EML4: variants seen among roughly 807,000 people sequenced by gnomAD.
EML4 encodes the protein echinoderm microtubule-associated protein-like 4.
In EML4, 72 loss-of-function variants were observed where a neutral mutation model predicts 129.0. The observed-to-expected ratio is 0.56, with a 90% CI of 0.46 to 0.68. EML4 has a LOEUF of 0.68. Ranked by LOEUF, EML4 falls within the 30% of genes least tolerant of loss-of-function variation. EML4 has a pLI of 0.00. For synonymous variants in EML4, 532 were observed against 405.0 expected (o/e 1.31, Z -3.77); for missense variants, 1,363 against 1,190.6 (o/e 1.14, Z -2.13).
At chr2:42,200,918 TC>T (rs1672193218) in intron 1 of EML4, among the ~76,000 whole-genome samples, 1 of 152,178 alleles carries the variant, frequency 6.6e-6, no homozygotes, top group South Asian at 2.1e-4. Context: ...CCAAGTCTTT[TC>T]CACTTCCCCT....
chr2:42,281,341 C>G (rs1469591158), intron 7 of EML4, among the ~76,000 whole-genome samples: 1 of 148,562 alleles, frequency 6.7e-6, no homozygotes, highest in Non-Finnish European at 1.5e-5. Context: ...TGCAGTGAGC[C>G]AAGATCACGC....
intron 2 of EML4, among the ~76,000 whole-genome samples, chr2:42,246,143 T>G (rs1675387945): frequency 6.6e-6 from 1 of 152,224 alleles, no homozygotes; most frequent in Non-Finnish European, 1.5e-5. Flanking sequence ...AAAATTAATT[T>G]AAGCTCTGAA....
intron 9 of EML4, among the ~76,000 whole-genome samples, chr2:42,285,419 A>G (rs907603780): frequency 1.3e-5 from 2 of 152,112 alleles, no homozygotes; most frequent in African/African-American, 4.8e-5. Flanking sequence ...GAAGGTTTCT[A>G]CTGGATAACT....
At position 42,224,066 on chromosome 2, in the gene EML4, T is replaced by C. The variant is rs185050497; in HGVS notation, c.26-21439T>C. On this transcript the variant is annotated intron_variant, in intron 1 of 22. Transcript: ENST00000318522. Reference sequence around the variant, plus strand: ...TTTTTGTAACAGCTGTTTTGAGATATAATTCACATGCCATATGAATCACCC... The same window carrying C: ...TTTTTGTAACAGCTGTTTTGAGATACAATTCACATGCCATATGAATCACCC... 1.2e-4 allele frequency among the ~76,000 whole-genome samples: 18 copies of C among 152,276 alleles called. No individual in the cohort carries two copies. The East Asian group carries it at 3.3e-3, about 28-fold the overall frequency.
intron 22 of EML4, 37 bp downstream of exon 22, chr2:42,329,053 CTTCT>C: frequency 6.3e-7 from 1 of 1,590,424 alleles, no homozygotes; most frequent in Non-Finnish European, 8.6e-7. Context: ...GTTATAAGGC[CTTCT>C]GTCCAGGGAT....
intron 19 of EML4, among the ~76,000 whole-genome samples, chr2:42,320,825 C>T (rs1669479417): frequency 6.6e-6 from 1 of 152,072 alleles, no homozygotes; most frequent in South Asian, 2.1e-4. Context: ...ACTCGAAGAT[C>T]TTAGCCCAGG....
At chr2:42,190,285 C>T (rs78634710) in intron 1 of EML4, among the ~76,000 whole-genome samples, 4 of 152,090 alleles carry the variant, frequency 2.6e-5, no homozygotes, top group African/African-American at 4.8e-5. Context: ...TGAGTCCCCC[C>T]ACAATGTCAG....
chr2:42,288,546 A>T, intron 11 of EML4: 1 of 269,996 alleles, frequency 3.7e-6, no homozygotes. Flanking sequence ...AATATTTCAG[A>T]CATTACTATA....
intron 3 of EML4, among the ~76,000 whole-genome samples, chr2:42,259,569 CTTG>C (rs976857085): frequency 2.0e-5 from 3 of 151,942 alleles, no homozygotes; most frequent in African/African-American, 7.3e-5. Context: ...GATCAAATTC[CTTG>C]TTGACTGTCT....
rs1670046782 is a variant in EML4 at position 42,330,444 on chromosome 2, A to G, written c.*237A>G. On this transcript the variant is annotated 3_prime_UTR_variant, in exon 23 of 23. Coordinates refer to ENST00000318522, the MANE Select transcript of EML4 (RefSeq NM_019063.5). ...ATACTAGGAGAAGACTGAATCATTA[A>G]TGATGTCTCACAAATTACTGTGTAC... 5.1e-6 allele frequency: 3 copies of G among 588,374 alleles called. No individual in the cohort carries two copies. Among genetic ancestry groups the G allele is most frequent in the Admixed American group, 2.6e-5 (1 of 38,396 alleles). 36.4% of individuals were successfully genotyped at this position (588,374 alleles called of 1,614,324 possible). A position where few individuals can be genotyped will look rare whatever the true frequency, so the allele number is the denominator to read the frequency against.
chr2:42,258,116 A>G (rs974615465), intron 3 of EML4, among the ~76,000 whole-genome samples: 5 of 152,162 alleles, frequency 3.3e-5, no homozygotes, highest in Non-Finnish European at 7.4e-5. Flanking sequence ...TAGTGATTCA[A>G]CAATCCAAGG....
chr2:42,216,614 C>T (rs1023183497), intron 1 of EML4, among the ~76,000 whole-genome samples: 3 of 152,144 alleles, frequency 2.0e-5, no homozygotes, highest in African/African-American at 7.2e-5. Flanking sequence ...TAATATGTTA[C>T]CTGTTCTTTT....
chr2:42,313,504 G>T (rs992560897), intron 17 of EML4, among the ~76,000 whole-genome samples: 1 of 151,590 alleles, frequency 6.6e-6, no homozygotes. Context: ...ACTAAGCCAC[G>T]TTAAACCATA....
chr2:42,260,759 G>A (rs1665681171), intron 3 of EML4, among the ~76,000 whole-genome samples: 1 of 152,122 alleles, frequency 6.6e-6, no homozygotes, highest in Admixed American at 6.5e-5. Context: ...TGTTCTTTTG[G>A]CATCAGTCGG....
At chr2:42,293,194 A>G (rs960320236) in intron 11 of EML4, among the ~76,000 whole-genome samples, 8 of 151,142 alleles carry the variant, frequency 5.3e-5, no homozygotes, top group Admixed American at 2.6e-4. Context: ...CTGCAACCTC[A>G]AACTCCTGGG....
chr2:42,215,396 C>T (rs990944023), intron 1 of EML4, among the ~76,000 whole-genome samples: 5 of 152,134 alleles, frequency 3.3e-5, no homozygotes, highest in Non-Finnish European at 5.9e-5. Flanking sequence ...TCTTATAATC[C>T]AAGCTGATTT....
intron 1 of EML4, among the ~76,000 whole-genome samples, chr2:42,224,127 TCA>T (rs772917369): frequency 8.5e-5 from 13 of 152,134 alleles, no homozygotes; most frequent in East Asian, 1.9e-4. Context: ...TTTAATATAT[TCA>T]CAGAGTTGTG....
rs1383422127 is a variant in EML4 at position 42,169,440 on chromosome 2, G to A, written c.-172G>A. ...AACGTGACGGGGAAGTGGTTCGGGC[G>A]GCCGCGGCTTACTACCCCAGGGCGA... On this transcript the variant is annotated 5_prime_UTR_variant, in exon 1 of 23. Transcript: ENST00000318522. 3 of 596,288 alleles carry A rather than the reference G, an allele frequency of 5.0e-6. No homozygotes were observed. The highest frequency in any genetic ancestry group is 6.9e-5 in the East Asian group (2 of 29,034). The allele number at this position is 596,288 out of a possible 1,614,324, so 36.9% of individuals were successfully genotyped here. A position where few individuals can be genotyped will look rare whatever the true frequency, so the allele number is the denominator to read the frequency against.
At chr2:42,279,445 C>T (rs924420610) in intron 6 of EML4, among the ~76,000 whole-genome samples, 2 of 151,416 alleles carry the variant, frequency 1.3e-5, no homozygotes, top group African/African-American at 4.8e-5. Context: ...TCCACATCCT[C>T]ATCAACACTT....
Sources: gnomAD v4.1 joint callset for allele counts (sites outside exome capture counted in the v4.1 genomes callset) on GRCh38, gnomAD v4.1.1 for gene constraint, MANE v1.5 for transcripts, NCBI Gene and HGNC (gene_info 2026-07-23, HGNC 2026-07-21) for gene names.